Variants in CLASP1 observed in about 807,000 individuals in gnomAD.
CLASP1 encodes CLIP-associating protein 1.
A neutral mutation model predicts 192.3 loss-of-function variants in CLASP1; 38 were observed. The ratio of observed to expected loss-of-function variants is 0.20; its 90% CI spans 0.15 to 0.26. The LOEUF is 0.26. CLASP1 is among the 10% of genes least tolerant of loss of function. The probability of loss-of-function intolerance (pLI) is 1.00; values close to 1 mark genes in which losing one functional copy is unlikely to be tolerated. For synonymous variants in CLASP1, 691 were observed against 712.8 expected, an observed-to-expected ratio of 0.97 and a Z score of 0.49; for missense variants, 1,433 against 1,932.5, an observed-to-expected ratio of 0.74 and a Z score of 4.85.
chr2:121,462,658 C>T, intron 9 of CLASP1, 53 bp from the exon 10 acceptor site: 4 of 1,028,106 alleles, frequency 3.9e-6, no homozygotes, highest in Middle Eastern at 4.1e-4. Flanking sequence ...GTCTATAACA[C>T]ATACACTGAA....
intron 6 of CLASP1, among the ~76,000 whole-genome samples, chr2:121,519,139 C>A (rs1450276896): frequency 6.6e-6 from 1 of 152,218 alleles, no homozygotes; most frequent in Non-Finnish European, 1.5e-5. Context: ...TAAGGACCTA[C>A]TTGGCCATTT....
At chr2:121,359,205 T>C (rs2065911795) in intron 37 of CLASP1, among the ~76,000 whole-genome samples, 1 of 152,362 alleles carries the variant, frequency 6.6e-6, no homozygotes, top group Middle Eastern at 3.4e-3. Context: ...AATAAGGATG[T>C]CTGAGAACAG....
chr2:121,464,760 T>G (rs1477434816), intron 9 of CLASP1, among the ~76,000 whole-genome samples: 4 of 152,154 alleles, frequency 2.6e-5, no homozygotes, highest in Non-Finnish European at 5.9e-5. Flanking sequence ...CTTTGTCAGA[T>G]GAGTAGGTTG....
intron 1 of CLASP1, among the ~76,000 whole-genome samples, chr2:121,643,312 A>G (rs1289966704): frequency 6.6e-6 from 1 of 152,260 alleles, no homozygotes; most frequent in Non-Finnish European, 1.5e-5. Flanking sequence ...AGCTATTGGC[A>G]TGGCAAAAAG....
chr2:121,425,002 A>T, intron 22 of CLASP1, 137 bp downstream of exon 22: 1 of 845,952 alleles, frequency 1.2e-6, no homozygotes, highest in Non-Finnish European at 1.8e-6. Flanking sequence ...TAATCTGTAT[A>T]AAGCACACCC....
intron 4 of CLASP1, among the ~76,000 whole-genome samples, chr2:121,528,105 T>C (rs1250992850): frequency 6.6e-6 from 1 of 152,252 alleles, no homozygotes. Context: ...TTCATTTACA[T>C]AATTGCATTT....
chr2:121,354,050 A>T (rs897743891), intron 37 of CLASP1, among the ~76,000 whole-genome samples: 1 of 152,186 alleles, frequency 6.6e-6, no homozygotes, highest in Non-Finnish European at 1.5e-5. Flanking sequence ...AAATGCTGGG[A>T]TTACAAGCAT....
At chr2:121,636,928 C>T (rs1437741537) in intron 1 of CLASP1, among the ~76,000 whole-genome samples, 1 of 152,028 alleles carries the variant, frequency 6.6e-6, no homozygotes, top group South Asian at 2.1e-4. Context: ...CTGCAACTAC[C>T]CCAAATATAT....
At chr2:121,413,597 G>A (rs1192964759) in intron 23 of CLASP1, among the ~76,000 whole-genome samples, 3 of 152,174 alleles carry the variant, frequency 2.0e-5, no homozygotes, top group African/African-American at 7.2e-5. Flanking sequence ...GGCCTGACTT[G>A]ATTACCTGAA....
chr2:121,487,044 T>TC (rs2093022142), intron 8 of CLASP1, among the ~76,000 whole-genome samples: 1 of 152,170 alleles, frequency 6.6e-6, no homozygotes, highest in Non-Finnish European at 1.5e-5. Context: ...AAACCTGCTC[T>TC]CCCCTCCAGG....
intron 2 of CLASP1, among the ~76,000 whole-genome samples, chr2:121,588,316 T>C (rs906353133): frequency 6.6e-6 from 1 of 152,144 alleles, no homozygotes; most frequent in African/African-American, 2.4e-5. Context: ...TATAATCCCT[T>C]ATACATATCA....
At chr2:121,646,781 T>C (rs2073242060) in intron 1 of CLASP1, among the ~76,000 whole-genome samples, 1 of 152,132 alleles carries the variant, frequency 6.6e-6, no homozygotes, top group Non-Finnish European at 1.5e-5. Flanking sequence ...CTCACGCCTG[T>C]AATCCCAGCA....
chr2:121,589,797 C>T (rs1045576031), intron 2 of CLASP1, among the ~76,000 whole-genome samples: 1 of 151,342 alleles, frequency 6.6e-6, no homozygotes, highest in African/African-American at 2.4e-5. Context: ...TTTTTTCTCA[C>T]AACTCTATTG....
chr2:121,445,910 T>C (rs1246414785), intron 19 of CLASP1, among the ~76,000 whole-genome samples: 1 of 152,134 alleles, frequency 6.6e-6, no homozygotes, highest in Non-Finnish European at 1.5e-5. Flanking sequence ...CAAATACTAA[T>C]TACAAATACT....
At chr2:121,431,745 G>GT (rs1473620649) in intron 19 of CLASP1, among the ~76,000 whole-genome samples, 20 of 146,956 alleles carry the variant, frequency 1.4e-4, no homozygotes, top group East Asian at 8.1e-4. Flanking sequence ...GCATTCCCTT[G>GT]GTTTTTTTTT....
In CLASP1 at chr2:121,460,141, A is replaced by T; in HGVS notation, c.1033-16T>A. On this transcript the variant is annotated splice_polypyrimidine_tract_variant and intron_variant, in intron 11 of 39. Coordinates refer to ENST00000263710, the Ensembl canonical transcript of CLASP1. ...TCTTTTTTAGCTAATGGAATAGAGA[A>T]AATTCAGAAAAATAGAAAACAATTC... 1 of 1,597,422 alleles carries T rather than the reference A, an allele frequency of 6.3e-7. No homozygotes were observed. The highest frequency in any genetic ancestry group is 8.5e-7 in the Non-Finnish European group (1 of 1,171,754).
chr2:121,376,526 T>TGGGGGGGGGGGGGGGGGGGGG (rs61313144), intron 34 of CLASP1, among the ~76,000 whole-genome samples: 1 of 105,134 alleles, frequency 9.5e-6, no homozygotes, highest in Non-Finnish European at 1.9e-5. Context: ...TGGGAAGGGG[T>TGGGGGGGGGGGGGGGGGGGGG]GGGGGGGGGG....
chr2:121,576,456 T>C (rs1263556137), intron 2 of CLASP1, among the ~76,000 whole-genome samples: 1 of 152,172 alleles, frequency 6.6e-6, no homozygotes, highest in Non-Finnish European at 1.5e-5. Context: ...CAGGTAAAAG[T>C]GCTTCCTTGT....
intron 8 of CLASP1, among the ~76,000 whole-genome samples, chr2:121,494,145 A>G (rs2093434138): frequency 6.6e-6 from 1 of 152,236 alleles, no homozygotes; most frequent in South Asian, 2.1e-4. Context: ...AGATACCTGC[A>G]CTGCCATGTT....
Sources: allele counts gnomAD v4.1 joint callset (sites outside exome capture counted in the v4.1 genomes callset), GRCh38; gene constraint gnomAD v4.1.1; transcripts MANE v1.5; gene names NCBI Gene and HGNC (gene_info 2026-07-23, HGNC 2026-07-21).